Variants in TTC7A observed in about 807,000 individuals in gnomAD.
TTC7A encodes the protein tetratricopeptide repeat domain 7A.
A neutral mutation model predicts 103.7 loss-of-function variants in TTC7A; 110 were observed. That is an observed-to-expected ratio of 1.06 (90% confidence interval 0.91 to 1.24). The LOEUF (loss-of-function observed/expected upper bound fraction) is 1.24. Ranked by LOEUF, TTC7A falls within the 50% of genes most tolerant of loss-of-function variation. The pLI, the probability that TTC7A is intolerant of heterozygous loss-of-function variation, is 0.00. For missense variants in TTC7A, 1,340 were observed against 1,116.3 expected (o/e 1.20, Z -2.86); for synonymous variants, 521 against 467.9 (o/e 1.11, Z -1.47).
At chr2:46,963,415 C>A (rs966324012) in intron 3 of TTC7A, among the ~76,000 whole-genome samples, 1 of 152,250 alleles carries the variant, frequency 6.6e-6, no homozygotes, top group Non-Finnish European at 1.5e-5. Flanking sequence ...CAAGGTCTCA[C>A]CTCAAGACAA....
intron 2 of TTC7A, among the ~76,000 whole-genome samples, chr2:46,923,878 G>A (rs1030507926): frequency 2.0e-5 from 3 of 151,910 alleles, no homozygotes; most frequent in East Asian, 1.9e-4. Flanking sequence ...GATTACAGGC[G>A]CCTGCCACCA....
intron 11 of TTC7A, among the ~76,000 whole-genome samples, chr2:47,012,527 C>T (rs1285716864): frequency 6.6e-6 from 1 of 152,314 alleles, no homozygotes; most frequent in Non-Finnish European, 1.5e-5. Flanking sequence ...GCAGTGGGGG[C>T]CAGGCTCTGG....
intron 16 of TTC7A, among the ~76,000 whole-genome samples, chr2:47,049,547 G>C (rs780374020): frequency 4.6e-5 from 7 of 152,054 alleles, no homozygotes; most frequent in Middle Eastern, 3.2e-3. Context: ...TTCCATAGGG[G>C]TTTGGGGGTT....
chr2:47,041,355 G>A (rs991847949), intron 15 of TTC7A, among the ~76,000 whole-genome samples: 2 of 152,238 alleles, frequency 1.3e-5, no homozygotes, highest in African/African-American at 4.8e-5. Flanking sequence ...GGCACTTGCA[G>A]ACCAGGTGGG....
chr2:46,985,131 C>A (rs1572816604), intron 5 of TTC7A, among the ~76,000 whole-genome samples: 1 of 152,152 alleles, frequency 6.6e-6, no homozygotes, highest in African/African-American at 2.4e-5. Context: ...GACTGACCGT[C>A]ACCCCCCAGA....
At chr2:47,067,838 C>T (rs1157914098) in intron 19 of TTC7A, 2 of 151,826 alleles carry the variant, frequency 1.3e-5, no homozygotes, top group East Asian at 3.9e-4. Flanking sequence ...GCTGCCGGGC[C>T]ATGTTCAGAT....
chr2:46,974,846 C>G, intron 3 of TTC7A, 127 bp from the exon 4 acceptor site: 1 of 1,353,572 alleles, frequency 7.4e-7, no homozygotes, highest in Non-Finnish European at 1.0e-6. Flanking sequence ...CTCCGCAGAC[C>G]TCCGCCTCCT....
intron 13 of TTC7A, among the ~76,000 whole-genome samples, 154 bp downstream of exon 13, chr2:47,023,619 G>T (rs546107871): frequency 2.0e-5 from 3 of 152,126 alleles, no homozygotes; most frequent in Non-Finnish European, 4.4e-5. Context: ...AGGGATAGGC[G>T]TTGGGGATTG....
At chr2:46,933,575 T>C (rs919041284) in intron 2 of TTC7A, among the ~76,000 whole-genome samples, 7 of 152,290 alleles carry the variant, frequency 4.6e-5, no homozygotes, top group Admixed American at 1.3e-4. Context: ...TGGTTCAGTA[T>C]TGAAATTAAG....
At chr2:46,945,287 T>C (rs61616404) in intron 1 of TTC7A, among the ~76,000 whole-genome samples, 12,067 of 152,134 alleles carry the variant, frequency 0.079, 840 homozygotes, top group African/African-American at 0.19. Context: ...GGAGTCTTGC[T>C]CTGTTGCCAG....
In TTC7A at chr2:46,941,883, G is replaced by C; in HGVS notation, c.184+158G>C. On this transcript the variant is annotated intron_variant, in intron 1 of 19. Transcript: ENST00000319190. The surrounding 1 kb of genome is among the most constrained non-coding windows in gnomAD (Gnocchi z 4.2). ...CCAGGGCAGTTAGGAAGGTCCTTCT[G>C]CCGCGAGAGAAAAATCACATGTGGT... 6.6e-6 allele frequency: 6 copies of C among 903,448 alleles called. No individual in the cohort carries two copies. The highest frequency in any genetic ancestry group is 8.3e-6 in the Non-Finnish European group (5 of 599,776). 56.0% of individuals were successfully genotyped at this position (903,448 alleles called of 1,614,324 possible).
At chr2:47,068,319 A>T (rs919766528) in intron 19 of TTC7A, 1 of 152,112 alleles carries the variant, frequency 6.6e-6, no homozygotes. Flanking sequence ...TCTGCTGCTT[A>T]TGCCCCATGT....
intron 5 of TTC7A, among the ~76,000 whole-genome samples, chr2:46,989,733 A>G (rs1050789072): frequency 3.3e-5 from 5 of 152,134 alleles, no homozygotes; most frequent in Admixed American, 2.6e-4. Flanking sequence ...ATGCTAGAGT[A>G]AAAAGACACA....
intron 8 of TTC7A, among the ~76,000 whole-genome samples, chr2:47,001,643 G>T (rs907989921): frequency 2.6e-5 from 4 of 152,112 alleles, no homozygotes; most frequent in Admixed American, 2.6e-4. Context: ...GATCACTTGA[G>T]GTCAGGGGTT....
At position 47,014,101 on chromosome 2, in the gene TTC7A, G is replaced by T. The variant is rs1394872412; in HGVS notation, c.1392+2666G>T. ...GCCCAGGGTTCAATGCCTGGTGCTC[G>T]CTGGATGGATCCTTCTTGCCGATGG... On this transcript the variant is annotated intron_variant, in intron 11 of 19. Coordinates refer to ENST00000319190, the MANE Select transcript of TTC7A (RefSeq NM_020458.4). 2.0e-5 allele frequency among the ~76,000 whole-genome samples: 3 copies of T among 152,164 alleles called. No individual in the cohort carries two copies. In the South Asian group the frequency reaches 6.2e-4, roughly 32 times the overall value.
intron 19 of TTC7A, among the ~76,000 whole-genome samples, chr2:47,071,488 C>T (rs547489143): frequency 5.9e-5 from 9 of 152,310 alleles, no homozygotes; most frequent in South Asian, 4.1e-4. Context: ...TCTGCCCCCG[C>T]GGTGATTTTT....
chr2:46,980,705 T>C (rs1346042240), intron 5 of TTC7A, among the ~76,000 whole-genome samples: 1 of 152,150 alleles, frequency 6.6e-6, no homozygotes, highest in Non-Finnish European at 1.5e-5. Flanking sequence ...GCACAGAGGC[T>C]CAGTCCCATG....
At position 47,006,674 on chromosome 2, in the gene TTC7A, GA is replaced by G. The variant is rs1677436141; in HGVS notation, c.1239del (p.Glu413AspfsTer29). ...LERAMKFAFG[E>X]FHLWYQVALS... The stretch of plus-strand genomic sequence containing the variant: ...GCGAGCCATGAAGTTTGCGTTTGGA[GA>G]ATTTCACCTTTGGTACCAGGTGGCC... On this transcript the variant is annotated frameshift_variant, in exon 10 of 20. Coordinates refer to ENST00000319190, the MANE Select transcript of TTC7A (RefSeq NM_020458.4). LOFTEE classifies it high-confidence loss of function. The G allele has an allele frequency of 6.2e-7, 1 of 1,614,228 alleles. No homozygotes were observed. Among genetic ancestry groups the G allele is most frequent in the Non-Finnish European group, 8.5e-7 (1 of 1,180,038 alleles).
intron 4 of TTC7A, 147 bp from the exon 5 acceptor site, chr2:46,978,645 C>T (rs1301713998): frequency 1.1e-5 from 6 of 555,802 alleles, no homozygotes; most frequent in East Asian, 9.6e-5. Flanking sequence ...TGAGTTAAAG[C>T]GAGTTAGATC....
Sources: gnomAD v4.1 joint callset for allele counts (sites outside exome capture counted in the v4.1 genomes callset) on GRCh38, gnomAD v4.1.1 for gene constraint, Gnocchi (gnomAD v3.1) non-coding constraint, MANE v1.5 for transcripts, NCBI Gene and HGNC (gene_info 2026-07-23, HGNC 2026-07-21) for gene names.